The following HS6ST3 variants were observed in gnomAD, a reference collection of about 807,000 sequenced individuals.
HS6ST3 encodes the protein heparan-sulfate 6-O-sulfotransferase 3.
A neutral mutation model predicts 36.7 loss-of-function variants in HS6ST3; 12 were observed. The observed-to-expected ratio is 0.33, with a 90% CI of 0.21 to 0.53. HS6ST3 has a LOEUF of 0.53. HS6ST3 is among the 20% of genes least tolerant of loss of function. The probability of loss-of-function intolerance (pLI) is 0.95; values close to 1 mark genes in which losing one functional copy is unlikely to be tolerated. For synonymous variants in HS6ST3, 240 were observed against 257.5 expected (o/e 0.93, Z 0.65); for missense variants, 584 against 640.9 (o/e 0.91, Z 0.96).
intron 1 of HS6ST3, among the ~76,000 whole-genome samples, chr13:96,152,398 A>T (rs555879468): frequency 3.7e-5 from 5 of 136,382 alleles, no homozygotes; most frequent in South Asian, 4.6e-4. Flanking sequence ...AGTGCAGTGG[A>T]GCGATCTCAG....
chr13:96,757,328 C>T (rs749869426), intron 1 of HS6ST3, among the ~76,000 whole-genome samples: 6 of 152,160 alleles, frequency 3.9e-5, no homozygotes, highest in Non-Finnish European at 7.4e-5. Flanking sequence ...GATGTGAACA[C>T]CAGGAGGTAC....
intron 1 of HS6ST3, among the ~76,000 whole-genome samples, chr13:96,617,981 C>T (rs2056480520): frequency 6.6e-6 from 1 of 152,208 alleles, no homozygotes; most frequent in South Asian, 2.1e-4. Flanking sequence ...TCTCAATTAA[C>T]TTAAACTGAA....
intron 1 of HS6ST3, among the ~76,000 whole-genome samples, chr13:96,379,513 A>T (rs914477366): frequency 1.3e-5 from 2 of 152,200 alleles, no homozygotes; most frequent in East Asian, 3.8e-4. Flanking sequence ...TGAGAAATAA[A>T]TTTCTATTGT....
intron 1 of HS6ST3, among the ~76,000 whole-genome samples, chr13:96,338,226 C>G (rs2055111619): frequency 6.6e-6 from 1 of 152,150 alleles, no homozygotes; most frequent in African/African-American, 2.4e-5. Context: ...ACAAAGGCTA[C>G]TTGAAACTCC....
In HS6ST3 at chr13:96,202,066, C is replaced by A. The variant is rs575234193; in HGVS notation, c.707+110497C>A. On this transcript the variant is annotated intron_variant, in intron 1 of 1. Coordinates refer to ENST00000376705, the MANE Select transcript of HS6ST3 (RefSeq NM_153456.4). ...ATAGATCTGTTTTAAAATAAGCACTCCAAGATTAACACCTGCATATTGCTG... is the reference window on the plus strand; with the variant it reads ...ATAGATCTGTTTTAAAATAAGCACTACAAGATTAACACCTGCATATTGCTG... 2.0e-5 allele frequency among the ~76,000 whole-genome samples: 3 copies of A among 152,256 alleles called. No homozygotes were observed. The South Asian group carries it at 6.2e-4, about 32-fold the overall frequency.
intron 1 of HS6ST3, among the ~76,000 whole-genome samples, chr13:96,213,218 A>G (rs1025760745): frequency 3.3e-5 from 5 of 152,188 alleles, no homozygotes; most frequent in African/African-American, 7.2e-5. Context: ...GTTCCCTTGT[A>G]TATGTAGTTT....
intron 1 of HS6ST3, among the ~76,000 whole-genome samples, chr13:96,266,788 T>C (rs182461291): frequency 2.8e-4 from 43 of 152,324 alleles, no homozygotes; most frequent in Admixed American, 2.6e-4. Context: ...GAACGCCTGT[T>C]CAATAAATGC....
chr13:96,631,261 T>A (rs969687320), intron 1 of HS6ST3, among the ~76,000 whole-genome samples: 2 of 152,156 alleles, frequency 1.3e-5, no homozygotes, highest in African/African-American at 2.4e-5. Context: ...TCTAGCATAG[T>A]TTATGCACCC....
At chr13:96,529,372 G>T (rs923369059) in intron 1 of HS6ST3, among the ~76,000 whole-genome samples, 1 of 152,056 alleles carries the variant, frequency 6.6e-6, no homozygotes, top group African/African-American at 2.4e-5. Flanking sequence ...CTTGAATCAG[G>T]GTAGTCATGT....
intron 1 of HS6ST3, among the ~76,000 whole-genome samples, chr13:96,389,833 C>T (rs2055387172): frequency 6.6e-6 from 1 of 152,134 alleles, no homozygotes; most frequent in Non-Finnish European, 1.5e-5. Context: ...AAATGGAGCT[C>T]TGGTTTTCCA....
chr13:96,416,854 G>A (rs9516689), intron 1 of HS6ST3, among the ~76,000 whole-genome samples: 76,072 of 151,096 alleles, frequency 0.5, 19,395 homozygotes, highest in Non-Finnish European at 0.56. Flanking sequence ...TCGGGTTCAC[G>A]CCATTCTCTT....
At chr13:96,297,023 C>A (rs1357819788) in intron 1 of HS6ST3, among the ~76,000 whole-genome samples, 2 of 152,024 alleles carry the variant, frequency 1.3e-5, no homozygotes, top group Non-Finnish European at 2.9e-5. Context: ...TTGATCATGT[C>A]CCAAACCAAT....
chr13:96,506,044 A>C (rs975200935), intron 1 of HS6ST3, among the ~76,000 whole-genome samples: 31 of 152,094 alleles, frequency 2.0e-4, no homozygotes, highest in African/African-American at 7.0e-4. Context: ...GACCTTGAGG[A>C]AGTTTCTTAT....
chr13:96,653,213 T>A (rs944711168), intron 1 of HS6ST3, among the ~76,000 whole-genome samples: 22 of 151,414 alleles, frequency 1.5e-4, no homozygotes, highest in East Asian at 5.8e-4. Context: ...TTTTATATAT[T>A]TTTTTTATTT....
At chr13:96,823,532 CAT>C (rs1394437300) in intron 1 of HS6ST3, among the ~76,000 whole-genome samples, 1 of 152,052 alleles carries the variant, frequency 6.6e-6, no homozygotes, top group African/African-American at 2.4e-5. Context: ...AAAATGTAAA[CAT>C]ATTTATAACT....
chr13:96,422,197 C>A (rs560693261), intron 1 of HS6ST3, among the ~76,000 whole-genome samples: 1 of 152,188 alleles, frequency 6.6e-6, no homozygotes, highest in African/African-American at 2.4e-5. Flanking sequence ...CTTAGCACAT[C>A]GCATTGCAAA....
chr13:96,206,548 A>G (rs1232423686), intron 1 of HS6ST3, among the ~76,000 whole-genome samples: 1 of 152,216 alleles, frequency 6.6e-6, no homozygotes, highest in East Asian at 1.9e-4. Flanking sequence ...ATGCTACCCA[A>G]CTTCAAACTA....
chr13:96,122,797 C>T (rs764778704), intron 1 of HS6ST3, among the ~76,000 whole-genome samples: 1 of 152,078 alleles, frequency 6.6e-6, no homozygotes, highest in African/African-American at 2.4e-5. Context: ...AGGAAAGGGG[C>T]CCTAACAAAC....
intron 1 of HS6ST3, among the ~76,000 whole-genome samples, chr13:96,375,502 A>G (rs1441450079): frequency 1.3e-5 from 2 of 152,174 alleles, no homozygotes; most frequent in Non-Finnish European, 2.9e-5. Context: ...TCCTGAGCCA[A>G]TTGAATTGCT....
Sources: gnomAD v4.1 joint callset for allele counts (sites outside exome capture counted in the v4.1 genomes callset) on GRCh38, gnomAD v4.1.1 for gene constraint, MANE v1.5 for transcripts, NCBI Gene and HGNC (gene_info 2026-07-23, HGNC 2026-07-21) for gene names.